ABCA12: variants seen among roughly 807,000 people sequenced by gnomAD.
ABCA12 encodes glucosylceramide transporter ABCA12.
ABCA12 carries 156 observed loss-of-function variants against 293.5 expected under a neutral mutation model. That is an observed-to-expected ratio of 0.53 (90% confidence interval 0.47 to 0.61). ABCA12 has a LOEUF of 0.61. Among genes scored for constraint, ABCA12 ranks in the 20% least tolerant of loss-of-function variants. The pLI is 0.00. For missense variants in ABCA12, 2,797 were observed against 3,090.2 expected (o/e 0.91, Z 2.25); for synonymous variants, 1,063 against 1,108.0 (o/e 0.96, Z 0.81).
At chr2:214,959,002 C>A (rs201945050) in intron 40 of ABCA12, 22 bp downstream of exon 40, 338 of 1,610,800 alleles carry the variant, frequency 2.1e-4, no homozygotes, top group Non-Finnish European at 2.1e-4. Context: ...AGAAAGTAGT[C>A]ATGCTAGAGA....
At chr2:214,945,193 A>C in intron 48 of ABCA12, 89 bp from the exon 49 acceptor site, 1 of 1,062,078 alleles carries the variant, frequency 9.4e-7, no homozygotes, top group Non-Finnish European at 1.4e-6. Flanking sequence ...ACTTCCCTAG[A>C]ACAGAAATAC....
intron 1 of ABCA12, among the ~76,000 whole-genome samples, chr2:215,118,675 G>C (rs183073307): frequency 6.6e-6 from 1 of 152,178 alleles, no homozygotes; most frequent in East Asian, 1.9e-4. Context: ...GTACCAGACA[G>C]TGGGGATACA....
At position 214,954,209 on chromosome 2, in the gene ABCA12, G is replaced by T. The variant is rs1158584074; in HGVS notation, c.6394-102C>A. 5 of 1,284,416 alleles carry T rather than the reference G, an allele frequency of 3.9e-6. No homozygotes were observed. In the African/African-American group the frequency reaches 6.0e-5, roughly 15 times the overall value. 79.6% of individuals were successfully genotyped at this position (1,284,416 alleles called of 1,614,324 possible). ...GTAGACAAATAGTGAAACCTAAAAAGCTTATCTAGATTGGCAATTATTTCC... is the reference window on the plus strand; with the variant it reads ...GTAGACAAATAGTGAAACCTAAAAATCTTATCTAGATTGGCAATTATTTCC... On this transcript the variant is annotated intron_variant, in intron 43 of 52. Transcript: ENST00000272895.
At chr2:214,938,240 A>C (rs1698283670) in intron 50 of ABCA12, among the ~76,000 whole-genome samples, 1 of 152,134 alleles carries the variant, frequency 6.6e-6, no homozygotes. Flanking sequence ...TTTGCTGAGA[A>C]TGATGGTTTC....
intron 1 of ABCA12, among the ~76,000 whole-genome samples, chr2:215,115,987 A>G (rs1702678170): frequency 6.6e-6 from 1 of 152,200 alleles, no homozygotes; most frequent in African/African-American, 2.4e-5. Flanking sequence ...GTTGATGATA[A>G]AAGTAGAAAT....
At chr2:214,985,520 T>C (rs566421803) in intron 28 of ABCA12, among the ~76,000 whole-genome samples, 1 of 152,248 alleles carries the variant, frequency 6.6e-6, no homozygotes, top group Non-Finnish European at 1.5e-5. Flanking sequence ...TTTACCTGTG[T>C]AACAAACCTG....
intron 1 of ABCA12, among the ~76,000 whole-genome samples, chr2:215,137,856 C>T (rs1007403521): frequency 6.6e-6 from 1 of 151,876 alleles, no homozygotes; most frequent in Admixed American, 6.6e-5. Flanking sequence ...CAGAATTCAA[C>T]GTTCCAGTTC....
intron 2 of ABCA12, among the ~76,000 whole-genome samples, chr2:215,091,290 C>T (rs550523330): frequency 6.6e-6 from 1 of 152,238 alleles, no homozygotes; most frequent in East Asian, 1.9e-4. Flanking sequence ...CTCCCCAACC[C>T]TATAATCCTT....
chr2:215,092,373 T>C (rs931773731), intron 2 of ABCA12, among the ~76,000 whole-genome samples: 7 of 152,072 alleles, frequency 4.6e-5, no homozygotes, highest in African/African-American at 1.4e-4. Flanking sequence ...AACAAAATTA[T>C]CCGCTACTCT....
rs376465039 is a variant in ABCA12 at position 214,956,724 on chromosome 2, A to C, written c.6172T>G (p.Leu2058Val). ...TTGTTTTCACTGTAGAATGCAGGTA[A>C]TTTGAAAATCGCAATGATACCAATT... is the stretch of plus-strand genomic sequence containing the variant. The part of the protein sequence containing the change: ...FSIGIIAIFK[L>V]PAFYSENNLG... The change falls in exon 42 of 53, where the codon TTA (leucine) becomes GTA (valine). Residue 2058 changes from leucine to valine, a missense_variant. Physicochemically the swap from Leu to Val is conservative, Grantham distance 32. Coordinates refer to ENST00000272895, the MANE Select transcript of ABCA12 (RefSeq NM_173076.3). 9.9e-6 allele frequency: 16 copies of C among 1,613,702 alleles called. No individual in the cohort carries two copies. Among genetic ancestry groups the C allele is most frequent in the Admixed American group, 1.7e-5 (1 of 60,000 alleles).
chr2:215,061,274 G>A (rs1004600827), intron 3 of ABCA12, among the ~76,000 whole-genome samples: 1 of 152,038 alleles, frequency 6.6e-6, no homozygotes, highest in Non-Finnish European at 1.5e-5. Flanking sequence ...GCTTAGAGAT[G>A]TATAAATTTA....
chr2:214,984,423 G>A (rs72950203), intron 28 of ABCA12, among the ~76,000 whole-genome samples: 6,017 of 152,124 alleles, frequency 0.04, 125 homozygotes, highest in South Asian at 0.1. Flanking sequence ...TTCCAAGTAC[G>A]TTCTCCCTCC....
chr2:215,087,070 G>A (rs1158108706), intron 2 of ABCA12, among the ~76,000 whole-genome samples: 2 of 152,052 alleles, frequency 1.3e-5, no homozygotes, highest in African/African-American at 2.4e-5. Context: ...AGCTTCCCAA[G>A]TAGCTGGGAT....
chr2:215,053,111 C>T (rs780654009), intron 4 of ABCA12, among the ~76,000 whole-genome samples: 52 of 151,972 alleles, frequency 3.4e-4, no homozygotes, highest in Non-Finnish European at 4.7e-4. Flanking sequence ...GGGATAAAGC[C>T]ATTAGCCTGG....
chr2:214,966,851 G>A lies in ABCA12; in HGVS notation c.5881C>T (p.His1961Tyr). 6.2e-7 allele frequency: 1 copy of A among 1,613,590 alleles called. No individual in the cohort carries two copies. Among genetic ancestry groups the A allele is most frequent in the Non-Finnish European group, 8.5e-7 (1 of 1,179,624 alleles). The change falls in exon 39 of 53, where the codon CAT (histidine) becomes TAT (tyrosine). Residue 1961 changes from histidine (H) to tyrosine (Y), a missense_variant. Coordinates refer to ENST00000272895, the MANE Select transcript of ABCA12 (RefSeq NM_173076.3). ...ACTTTTGTGTTAGTAACTTTACCATGTCGGGCAGCATCGTATTTTGACATG... is the reference window on the plus strand; with the variant it reads ...ACTTTTGTGTTAGTAACTTTACCATATCGGGCAGCATCGTATTTTGACATG... Reference protein sequence around the residue: ...VNMSKYDAARHGIIMYSHPYP... With the variant: ...VNMSKYDAARYGIIMYSHPYP...
intron 20 of ABCA12, 59 bp from the exon 21 acceptor site, chr2:215,001,796 T>G (rs1700152532): frequency 1.4e-6 from 2 of 1,436,272 alleles, no homozygotes; most frequent in African/African-American, 1.4e-5. Flanking sequence ...TGGTCGTAAT[T>G]AGATGAAATA....
At chr2:215,007,516 A>T (rs1304430304) in intron 19 of ABCA12, among the ~76,000 whole-genome samples, 2 of 152,186 alleles carry the variant, frequency 1.3e-5, no homozygotes, top group East Asian at 3.9e-4. Context: ...TGAATTACAG[A>T]CAGAGGAGCT....
intron 50 of ABCA12, among the ~76,000 whole-genome samples, chr2:214,941,451 G>C (rs185965557): frequency 6.6e-6 from 1 of 152,184 alleles, no homozygotes; most frequent in African/African-American, 2.4e-5. Context: ...GAGTTCTATA[G>C]ATGTCTATTA....
intron 2 of ABCA12, among the ~76,000 whole-genome samples, chr2:215,080,446 T>G (rs1181059473): frequency 2.6e-5 from 4 of 151,280 alleles, no homozygotes; most frequent in Admixed American, 2.6e-4. Flanking sequence ...GAGGTTGCAG[T>G]AAGCTGAGAT....
Sources: allele counts gnomAD v4.1 joint callset (sites outside exome capture counted in the v4.1 genomes callset), GRCh38; gene constraint gnomAD v4.1.1; transcripts MANE v1.5; gene names NCBI Gene and HGNC (gene_info 2026-07-23, HGNC 2026-07-21).